SLC25A21: variants seen among roughly 807,000 people sequenced by gnomAD.
SLC25A21 encodes the protein mitochondrial 2-oxodicarboxylate carrier.
SLC25A21 carries 47 observed loss-of-function variants against 43.8 expected under a neutral mutation model. The observed-to-expected ratio is 1.07, with a 90% CI of 0.85 to 1.37. SLC25A21 has a LOEUF of 1.37. Ranked by LOEUF, SLC25A21 falls within the 40% of genes most tolerant of loss-of-function variation. SLC25A21 has a pLI of 0.00. For synonymous variants in SLC25A21, 131 were observed against 121.3 expected (o/e 1.08, Z -0.52); for missense variants, 352 against 350.2 (o/e 1.00, Z -0.04).
intron 3 of SLC25A21, among the ~76,000 whole-genome samples, chr14:36,779,088 C>T (rs1443583994): frequency 6.6e-6 from 1 of 151,440 alleles, no homozygotes; most frequent in Non-Finnish European, 1.5e-5. Flanking sequence ...CTGTGCCTGG[C>T]TTATCTCACT....
At chr14:36,762,366 G>A (rs906763403) in intron 3 of SLC25A21, among the ~76,000 whole-genome samples, 3 of 152,178 alleles carry the variant, frequency 2.0e-5, no homozygotes, top group Admixed American at 2.0e-4. Flanking sequence ...CCGGCAGAGG[G>A]GAAAGGCAGC....
intron 1 of SLC25A21, among the ~76,000 whole-genome samples, chr14:36,944,538 G>A (rs1464458584): frequency 6.6e-6 from 1 of 152,178 alleles, no homozygotes; most frequent in Non-Finnish European, 1.5e-5. Context: ...AGGCTGTGGA[G>A]AGCGACATCT....
intron 3 of SLC25A21, among the ~76,000 whole-genome samples, chr14:36,780,942 T>C (rs942331024): frequency 3.9e-5 from 6 of 152,162 alleles, no homozygotes; most frequent in African/African-American, 7.2e-5. Context: ...CCTATGATTA[T>C]TGTATTGCTA....
At chr14:37,163,230 A>G (rs1963978162) in intron 1 of SLC25A21, among the ~76,000 whole-genome samples, 1 of 151,888 alleles carries the variant, frequency 6.6e-6, no homozygotes, top group African/African-American at 2.4e-5. Context: ...AGCATGGCAC[A>G]TGTATACATA....
intron 1 of SLC25A21, among the ~76,000 whole-genome samples, chr14:37,002,938 C>T (rs1425521161): frequency 6.6e-6 from 1 of 152,132 alleles, no homozygotes; most frequent in Non-Finnish European, 1.5e-5. Context: ...CTGAATATTT[C>T]TAAGGTTATC....
chr14:36,764,646 A>G (rs1415707858), intron 3 of SLC25A21, among the ~76,000 whole-genome samples: 1 of 146,818 alleles, frequency 6.8e-6, no homozygotes, highest in Non-Finnish European at 1.5e-5. Flanking sequence ...ACGCATGCCC[A>G]CATACACACA....
intron 3 of SLC25A21, among the ~76,000 whole-genome samples, chr14:36,754,839 A>C (rs1885864878): frequency 6.6e-6 from 1 of 152,206 alleles, no homozygotes; most frequent in Admixed American, 6.5e-5. Context: ...GAATTCAGTA[A>C]TTTTCATAGT....
intron 1 of SLC25A21, among the ~76,000 whole-genome samples, chr14:37,015,439 C>A (rs1960831640): frequency 6.6e-6 from 1 of 151,976 alleles, no homozygotes; most frequent in African/African-American, 2.4e-5. Context: ...TCCAGTCTAG[C>A]ATTGTTGGAC....
chr14:36,780,359 T>C (rs1011690331), intron 3 of SLC25A21, among the ~76,000 whole-genome samples: 4 of 152,080 alleles, frequency 2.6e-5, no homozygotes, highest in South Asian at 2.1e-4. Context: ...TGTTATTTCA[T>C]AGCTCCTACT....
chr14:36,764,956 G>C (rs1886358395), intron 3 of SLC25A21, among the ~76,000 whole-genome samples: 1 of 152,246 alleles, frequency 6.6e-6, no homozygotes, highest in Non-Finnish European at 1.5e-5. Context: ...TTTAAGAACA[G>C]ATAAGCATTT....
intron 1 of SLC25A21, among the ~76,000 whole-genome samples, chr14:37,074,205 GT>G (rs1293618368): frequency 8.2e-6 from 1 of 122,508 alleles, no homozygotes; most frequent in African/African-American, 5.1e-5. Context: ...ATCAACTGCA[GT>G]TAAAAAAAAA....
intron 4 of SLC25A21, among the ~76,000 whole-genome samples, chr14:36,730,976 T>TC (rs1884797153): frequency 1.2e-5 from 1 of 85,206 alleles, no homozygotes; most frequent in African/African-American, 4.6e-5. Context: ...ATCTTAGGTT[T>TC]TTTTTTTTTT....
At chr14:37,121,328 G>A (rs1457430643) in intron 1 of SLC25A21, among the ~76,000 whole-genome samples, 2 of 152,158 alleles carry the variant, frequency 1.3e-5, no homozygotes, top group Non-Finnish European at 2.9e-5. Flanking sequence ...GTGTGAACAT[G>A]AGTTCAATTA....
chr14:37,136,665 T>C (rs1463037629), intron 1 of SLC25A21, among the ~76,000 whole-genome samples: 1 of 152,084 alleles, frequency 6.6e-6, no homozygotes, highest in Non-Finnish European at 1.5e-5. Flanking sequence ...TGTCCTTAAA[T>C]AGTTGAATGG....
intron 1 of SLC25A21, among the ~76,000 whole-genome samples, chr14:37,130,405 A>G (rs2138904888): frequency 6.6e-6 from 1 of 152,374 alleles, no homozygotes; most frequent in Non-Finnish European, 1.5e-5. Context: ...ATTCCACGAC[A>G]TACATCCTTG....
chr14:37,172,277 T>A lies in SLC25A21; in HGVS notation c.70+4A>T, dbSNP rs1393327768. On this transcript the variant is annotated splice_donor_region_variant and intron_variant, in intron 1 of 9. Coordinates refer to ENST00000331299, the MANE Select transcript of SLC25A21 (RefSeq NM_030631.4). ...TCCGGCGGGGCAGGGCGGGCTGTCC[T>A]TACCTGCAGAACCACCGGCCACGAT... The A allele has an allele frequency of 6.3e-7, 1 of 1,593,130 alleles. No individual in the cohort carries two copies.
chr14:37,054,521 G>A lies in SLC25A21; in HGVS notation c.70+117760C>T, dbSNP rs540816165. On this transcript the variant is annotated intron_variant, in intron 1 of 9. Coordinates refer to ENST00000331299, the MANE Select transcript of SLC25A21 (RefSeq NM_030631.4). ...CTGCAATAACAGAAACCTAAAACAT[G>A]TGGCATTAGCTTTGACACTAGGTAG... 3.3e-5 allele frequency among the ~76,000 whole-genome samples: 5 copies of A among 152,258 alleles called. No individual in the cohort carries two copies. The East Asian group carries it at 7.7e-4, about 24-fold the overall frequency.
At chr14:36,925,043 T>TA (rs562512967) in intron 1 of SLC25A21, among the ~76,000 whole-genome samples, 3 of 151,920 alleles carry the variant, frequency 2.0e-5, no homozygotes, top group Non-Finnish European at 2.9e-5. Context: ...AACTTAAGGT[T>TA]AAAAAAATAT....
chr14:37,157,558 A>T (rs1028780307), intron 1 of SLC25A21, among the ~76,000 whole-genome samples: 1 of 152,166 alleles, frequency 6.6e-6, no homozygotes, highest in East Asian at 1.9e-4. Context: ...TGGAAACACA[A>T]CATACCAAAA....
Sources: allele counts gnomAD v4.1 joint callset (sites outside exome capture counted in the v4.1 genomes callset), GRCh38; gene constraint gnomAD v4.1.1; transcripts MANE v1.5; gene names NCBI Gene and HGNC (gene_info 2026-07-23, HGNC 2026-07-21).